Variants in SLC2A13 observed in about 807,000 individuals in gnomAD.
SLC2A13 encodes the protein solute carrier family 2 member 13, also known as proton myo-inositol cotransporter.
A neutral mutation model predicts 64.4 loss-of-function variants in SLC2A13; 32 were observed. The ratio of observed to expected loss-of-function variants is 0.50; its 90% CI spans 0.37 to 0.67. SLC2A13 has a LOEUF of 0.67. Among genes scored for constraint, SLC2A13 ranks in the 30% least tolerant of loss-of-function variants. The pLI, the probability that SLC2A13 is intolerant of heterozygous loss-of-function variation, is 0.00. For missense variants in SLC2A13, 743 were observed against 829.2 expected, an observed-to-expected ratio of 0.90 and a Z score of 1.28; for synonymous variants, 338 against 327.1, an observed-to-expected ratio of 1.03 and a Z score of -0.36.
At chr12:39,947,663 T>C (rs555095690) in intron 4 of SLC2A13, among the ~76,000 whole-genome samples, 6 of 147,528 alleles carry the variant, frequency 4.1e-5, no homozygotes, top group Non-Finnish European at 7.5e-5. Context: ...AATTTCTTTT[T>C]TTTTTTTTTT....
intron 3 of SLC2A13, among the ~76,000 whole-genome samples, chr12:39,957,613 G>A (rs545654796): frequency 1.3e-5 from 2 of 152,116 alleles, no homozygotes; most frequent in Non-Finnish European, 2.9e-5. Context: ...AGCATTGTTT[G>A]AGAATAATTA....
chr12:39,802,026 C>A (rs942675080), intron 7 of SLC2A13, among the ~76,000 whole-genome samples: 2 of 152,128 alleles, frequency 1.3e-5, no homozygotes, highest in Admixed American at 1.3e-4. Flanking sequence ...CACATAGTGA[C>A]AATTGTCATG....
chr12:39,990,148 C>G (rs181503742), intron 3 of SLC2A13, among the ~76,000 whole-genome samples: 1 of 152,220 alleles, frequency 6.6e-6, no homozygotes, highest in African/African-American at 2.4e-5. Flanking sequence ...GGAGTCATAA[C>G]GATCAAATAT....
intron 2 of SLC2A13, among the ~76,000 whole-genome samples, chr12:40,032,641 C>T (rs1947922606): frequency 6.6e-6 from 1 of 152,202 alleles, no homozygotes; most frequent in Admixed American, 6.5e-5. Flanking sequence ...CCTGCTATGG[C>T]TCAGCTGAGC....
Position 39,759,863 on chromosome 12 carries a change from C to A in SLC2A13, c.*163G>T. The A allele has an allele frequency of 1.8e-6, 1 of 571,210 alleles. No homozygotes were observed. Among genetic ancestry groups the A allele is most frequent in the South Asian group, 2.5e-5 (1 of 40,562 alleles). The allele number at this position is 571,210 out of a possible 1,614,324, so 35.4% of individuals were successfully genotyped here. A position where few individuals can be genotyped will look rare whatever the true frequency, so the allele number is the denominator to read the frequency against. On this transcript the variant is annotated 3_prime_UTR_variant, in exon 10 of 10. Transcript: ENST00000280871. ...ATTGTTCCTTGTGGAAAAAAAAAGTCATCATGGTTGTATCTTCCTCCTAAT... is the reference window on the plus strand; with the variant it reads ...ATTGTTCCTTGTGGAAAAAAAAAGTAATCATGGTTGTATCTTCCTCCTAAT...
intron 7 of SLC2A13, among the ~76,000 whole-genome samples, chr12:39,777,992 C>A (rs566411452): frequency 6.6e-6 from 1 of 152,270 alleles, no homozygotes; most frequent in South Asian, 2.1e-4. Context: ...TAAAAGAGCA[C>A]CCTGTAACAC....
At chr12:40,068,798 A>G (rs755810741) in intron 1 of SLC2A13, among the ~76,000 whole-genome samples, 1 of 152,006 alleles carries the variant, frequency 6.6e-6, no homozygotes. Context: ...GCTGATAAAT[A>G]TCAAACTAAT....
At chr12:39,896,457 T>A (rs1358529490) in intron 4 of SLC2A13, among the ~76,000 whole-genome samples, 1 of 144,628 alleles carries the variant, frequency 6.9e-6, no homozygotes, top group Non-Finnish European at 1.5e-5. Flanking sequence ...TATGTGTGTA[T>A]ATATGTATAC....
intron 1 of SLC2A13, among the ~76,000 whole-genome samples, chr12:40,069,143 G>A (rs548691549): frequency 3.2e-4 from 49 of 152,066 alleles, no homozygotes; most frequent in African/African-American, 1.1e-3. Flanking sequence ...GAAAGATTAG[G>A]TATTTAGTGT....
intron 1 of SLC2A13, among the ~76,000 whole-genome samples, chr12:40,055,990 CA>C (rs148186675): frequency 3.0e-3 from 415 of 137,098 alleles, no homozygotes; most frequent in South Asian, 7.9e-3. Flanking sequence ...AAAAAACAAA[CA>C]AAAAAAAAAC....
chr12:39,772,924 A>C, intron 7 of SLC2A13, among the ~76,000 whole-genome samples: 1 of 152,342 alleles, frequency 6.6e-6, no homozygotes, highest in South Asian at 2.1e-4. Flanking sequence ...AACTTGGCAG[A>C]GTTACATACT....
chr12:39,861,086 T>C (rs1044600041), intron 6 of SLC2A13, among the ~76,000 whole-genome samples: 3 of 152,218 alleles, frequency 2.0e-5, no homozygotes, highest in Admixed American at 6.5e-5. Flanking sequence ...CCACGTTCCT[T>C]ACTGCCTTGC....
At chr12:39,822,140 A>G (rs530516825) in intron 7 of SLC2A13, among the ~76,000 whole-genome samples, 35 of 140,348 alleles carry the variant, frequency 2.5e-4, no homozygotes, top group South Asian at 1.1e-3. Flanking sequence ...TCATTGTTCA[A>G]TTCCCACCTA....
At chr12:39,999,010 C>T (rs1004489775) in intron 3 of SLC2A13, among the ~76,000 whole-genome samples, 5 of 152,078 alleles carry the variant, frequency 3.3e-5, no homozygotes, top group East Asian at 1.9e-4. Flanking sequence ...CAGCTGGAGC[C>T]GCAGCAGAGG....
chr12:39,776,791 G>A (rs1940795990), intron 7 of SLC2A13, among the ~76,000 whole-genome samples: 2 of 152,190 alleles, frequency 1.3e-5, no homozygotes, highest in African/African-American at 2.4e-5. Context: ...CATTAACTGA[G>A]GAAATCAAGC....
At chr12:40,099,945 C>G (rs1402314985) in intron 1 of SLC2A13, among the ~76,000 whole-genome samples, 2 of 151,794 alleles carry the variant, frequency 1.3e-5, no homozygotes, top group Admixed American at 6.6e-5. Context: ...TGTATTTTAG[C>G]TGATTAACTA....
chr12:39,929,337 C>T (rs180812068), intron 4 of SLC2A13, among the ~76,000 whole-genome samples: 14 of 151,812 alleles, frequency 9.2e-5, no homozygotes, highest in Admixed American at 9.2e-4. Context: ...TGGATCACGA[C>T]GTCAGGAGTT....
At chr12:40,029,438 T>C (rs1446678830) in intron 2 of SLC2A13, among the ~76,000 whole-genome samples, 1 of 152,186 alleles carries the variant, frequency 6.6e-6, no homozygotes, top group Admixed American at 6.5e-5. Flanking sequence ...CTAGGGTAGA[T>C]TCCTAACAAT....
intron 4 of SLC2A13, among the ~76,000 whole-genome samples, chr12:39,894,851 G>GA (rs1944699717): frequency 1.3e-5 from 2 of 151,716 alleles, no homozygotes; most frequent in South Asian, 4.2e-4. Context: ...AAAAGTCAAA[G>GA]AAAAAAGGGA....
Sources: gnomAD v4.1 joint callset for allele counts (sites outside exome capture counted in the v4.1 genomes callset) on GRCh38, gnomAD v4.1.1 for gene constraint, MANE v1.5 for transcripts, NCBI Gene and HGNC (gene_info 2026-07-23, HGNC 2026-07-21) for gene names.